ARHGAP10: variants seen among roughly 807,000 people sequenced by gnomAD.
The protein encoded by ARHGAP10 is Rho GTPase activating protein 10.
Under a neutral mutation model 108.6 loss-of-function variants are expected in ARHGAP10, and 87 were observed. The ratio of observed to expected loss-of-function variants is 0.80; its 90% CI spans 0.67 to 0.96. The LOEUF is 0.96. Among genes scored for constraint, ARHGAP10 ranks in the 40% least tolerant of loss-of-function variants. The pLI is 0.00. For synonymous variants in ARHGAP10, 347 were observed against 341.1 expected (o/e 1.02, Z -0.19); for missense variants, 939 against 954.5 (o/e 0.98, Z 0.21).
intron 10 of ARHGAP10, among the ~76,000 whole-genome samples, chr4:147,899,498 A>G (rs1472658040): frequency 6.6e-6 from 1 of 152,218 alleles, no homozygotes; most frequent in African/African-American, 2.4e-5. Context: ...TCTTATTGGT[A>G]GAGTGGGAAT....
At chr4:147,773,306 C>T (rs1730148428) in intron 1 of ARHGAP10, among the ~76,000 whole-genome samples, 1 of 152,118 alleles carries the variant, frequency 6.6e-6, no homozygotes, top group African/African-American at 2.4e-5. Context: ...TAAGTTCACC[C>T]AGTTCATCAC....
chr4:147,827,178 C>CT (rs11311332), intron 3 of ARHGAP10, among the ~76,000 whole-genome samples: 256 of 145,226 alleles, frequency 1.8e-3, no homozygotes, highest in East Asian at 2.2e-3. Flanking sequence ...TCACTGATCA[C>CT]TTTTTTTTTT....
At chr4:147,847,517 G>A (rs1733684507) in intron 4 of ARHGAP10, among the ~76,000 whole-genome samples, 1 of 152,192 alleles carries the variant, frequency 6.6e-6, no homozygotes, top group Admixed American at 6.5e-5. Flanking sequence ...CTTATTACTG[G>A]GGGGAGTGTA....
At chr4:147,850,961 A>G (rs1281749441) in intron 4 of ARHGAP10, among the ~76,000 whole-genome samples, 1 of 152,194 alleles carries the variant, frequency 6.6e-6, no homozygotes, top group Non-Finnish European at 1.5e-5. Flanking sequence ...AAATACCAGA[A>G]CGTGATAAGA....
At chr4:147,779,041 G>C (rs1227554613) in intron 1 of ARHGAP10, among the ~76,000 whole-genome samples, 2 of 152,208 alleles carry the variant, frequency 1.3e-5, no homozygotes. Context: ...CTTCCGGGCA[G>C]TGGTTCCCAG....
chr4:147,970,001 A>G (rs953887197), intron 18 of ARHGAP10, among the ~76,000 whole-genome samples: 76 of 152,086 alleles, frequency 5.0e-4, no homozygotes, highest in Admixed American at 3.4e-3. Flanking sequence ...GGAGGGTTGG[A>G]GATGGGGGAT....
chr4:147,973,763 C>T (rs1328498282), intron 18 of ARHGAP10, among the ~76,000 whole-genome samples: 2 of 152,106 alleles, frequency 1.3e-5, no homozygotes, highest in Non-Finnish European at 2.9e-5. Flanking sequence ...GTTTTTTGCT[C>T]CCACAAATAA....
chr4:147,766,568 GT>G (rs1729823057), intron 1 of ARHGAP10, among the ~76,000 whole-genome samples: 4 of 146,920 alleles, frequency 2.7e-5, no homozygotes, highest in East Asian at 2.1e-4. Flanking sequence ...GTGTGTGGGT[GT>G]GTGTGTATAT....
At chr4:147,830,075 C>T (rs1732888779) in intron 3 of ARHGAP10, among the ~76,000 whole-genome samples, 2 of 152,170 alleles carry the variant, frequency 1.3e-5, no homozygotes, top group South Asian at 4.1e-4. Flanking sequence ...AGTGTCTTGT[C>T]CACGGCTGCA....
chr4:147,929,742 G>T (rs1011213684), intron 13 of ARHGAP10, among the ~76,000 whole-genome samples: 1 of 151,986 alleles, frequency 6.6e-6, no homozygotes, highest in Non-Finnish European at 1.5e-5. Flanking sequence ...TGAAGAGTGC[G>T]TTTTTCCTTC....
At chr4:148,009,316 G>C (rs952360496) in intron 18 of ARHGAP10, among the ~76,000 whole-genome samples, 6 of 152,066 alleles carry the variant, frequency 3.9e-5, no homozygotes, top group African/African-American at 7.2e-5. Context: ...ATTTTTAGTA[G>C]AGACAGGGTT....
intron 1 of ARHGAP10, among the ~76,000 whole-genome samples, chr4:147,797,125 A>T (rs1375143942): frequency 1.4e-4 from 21 of 152,308 alleles, no homozygotes; most frequent in Non-Finnish European, 1.0e-4. Flanking sequence ...AAAGGAACTG[A>T]ATAGCCTGTA....
At chr4:148,042,736 C>T (rs532975280) in intron 19 of ARHGAP10, among the ~76,000 whole-genome samples, 1 of 152,308 alleles carries the variant, frequency 6.6e-6, no homozygotes, top group African/African-American at 2.4e-5. Context: ...GACTGCTTGT[C>T]TGCCTGTATA....
At chr4:147,867,703 A>C (rs1295842267) in intron 7 of ARHGAP10, among the ~76,000 whole-genome samples, 3 of 152,072 alleles carry the variant, frequency 2.0e-5, no homozygotes. Context: ...GTCTCCACTA[A>C]AAATACAAAC....
rs1728248565 is a variant in ARHGAP10, at chr4:147,732,362, A to C, written c.61A>C (p.Arg21=). The change falls in exon 1 of 23, where the codon AGG becomes CGG. Residue 21 remains arginine, a synonymous_variant. Coordinates refer to ENST00000336498, the MANE Select transcript of ARHGAP10 (RefSeq NM_024605.4). Reference sequence around the variant, plus strand: ...CCTCGACAGCCCGTGGTTCCGGGAGAGGATCCGCGCTCACGAAGCGGAACT... The same window carrying C: ...CCTCGACAGCCCGTGGTTCCGGGAGCGGATCCGCGCTCACGAAGCGGAACT... ...CYLDSPWFRE[R]IRAHEAELER... is the part of the protein sequence containing the mutation. The C allele has an allele frequency of 1.9e-6, 3 of 1,613,226 alleles. No homozygotes were observed. Among genetic ancestry groups the C allele is most frequent in the Non-Finnish European group, 2.5e-6 (3 of 1,179,608 alleles).
rs1734945355 is a variant in ARHGAP10 at position 147,873,759 on chromosome 4, C to T, written c.703-1262C>T. 3.2e-5 allele frequency among the ~76,000 whole-genome samples: 4 copies of T among 124,862 alleles called. No individual in the cohort carries two copies. The South Asian group carries it at 1.2e-3, about 36-fold the overall frequency. 81.9% of individuals were successfully genotyped at this position (124,862 alleles called of 152,430 possible). On this transcript the variant is annotated intron_variant, in intron 7 of 22. Transcript: ENST00000336498. ...GTGTAGTGGTGTGCGCCTGTAGTCC[C>T]AGTTCCTCTGGAGGCTGAGGTGAGA...
rs532636660 is a variant in ARHGAP10, at chr4:147,733,959, G to A, written c.154+1504G>A. Among the ~76,000 whole-genome samples, 7 of 151,866 alleles carry A rather than the reference G, an allele frequency of 4.6e-5. No homozygotes were observed. In the East Asian group the frequency reaches 7.8e-4, roughly 17 times the overall value. ...TGACAAGTGGGCTTATTTGGTTGAGGGCTCTCCAGGCCCTTGGCATCTGGT... is the reference window on the plus strand; with the variant it reads ...TGACAAGTGGGCTTATTTGGTTGAGAGCTCTCCAGGCCCTTGGCATCTGGT... On this transcript the variant is annotated intron_variant, in intron 1 of 22. Transcript: ENST00000336498.
At chr4:147,866,252 G>A (rs1734554446) in intron 6 of ARHGAP10, 2 of 153,190 alleles carry the variant, frequency 1.3e-5, no homozygotes, top group South Asian at 2.0e-4. Context: ...CGGGTTTGAG[G>A]CTGCCCCTGG....
chr4:147,892,690 G>A (rs946896925), intron 10 of ARHGAP10, among the ~76,000 whole-genome samples: 1 of 152,158 alleles, frequency 6.6e-6, no homozygotes, highest in Non-Finnish European at 1.5e-5. Context: ...AGAGGAAGGG[G>A]GGCCCAAGGC....
Sources: allele counts gnomAD v4.1 joint callset (sites outside exome capture counted in the v4.1 genomes callset), GRCh38; gene constraint gnomAD v4.1.1; transcripts MANE v1.5; gene names NCBI Gene and HGNC (gene_info 2026-07-23, HGNC 2026-07-21).